The following ADAMTS18 variants were observed in gnomAD, a reference collection of about 807,000 sequenced individuals.
The protein encoded by ADAMTS18 is ADAM metallopeptidase with thrombospondin type 1 motif 18, also known as A disintegrin and metalloproteinase with thrombospondin motifs 18.
A neutral mutation model predicts 165.9 loss-of-function variants in ADAMTS18; 157 were observed. The observed-to-expected ratio is 0.95, with a 90% CI of 0.83 to 1.08. ADAMTS18 has a LOEUF of 1.08. Ranked by LOEUF, ADAMTS18 falls within the 50% of genes least tolerant of loss-of-function variation. The probability of loss-of-function intolerance (pLI) is 0.00; values close to 1 mark genes in which losing one functional copy is unlikely to be tolerated. For synonymous variants in ADAMTS18, 782 were observed against 578.2 expected, an observed-to-expected ratio of 1.35 and a Z score of -5.06; for missense variants, 2,040 against 1,534.0, an observed-to-expected ratio of 1.33 and a Z score of -5.51.
At chr16:77,319,618 T>C (rs1236748390) in intron 16 of ADAMTS18, among the ~76,000 whole-genome samples, 7 of 152,174 alleles carry the variant, frequency 4.6e-5, no homozygotes, top group Non-Finnish European at 8.8e-5. Context: ...AATTTTTGTA[T>C]TTTTAATAGA....
chr16:77,432,389 C>T (rs1263867255), intron 2 of ADAMTS18: 1 of 152,164 alleles, frequency 6.6e-6, no homozygotes, highest in Non-Finnish European at 1.5e-5. Context: ...TCAGGGGACA[C>T]CTGGAAAGGC....
chr16:77,362,319 T>G, intron 6 of ADAMTS18, 55 bp from the exon 7 acceptor site: 1 of 1,587,638 alleles, frequency 6.3e-7, no homozygotes, highest in Non-Finnish European at 8.6e-7. Context: ...ATGAGAATGC[T>G]GAATCATTCC....
chr16:77,365,934 G>T (rs574366704), intron 4 of ADAMTS18, among the ~76,000 whole-genome samples: 1 of 152,262 alleles, frequency 6.6e-6, no homozygotes, highest in Admixed American at 6.5e-5. Context: ...TTGTTGTAAA[G>T]ATTTGCTTTG....
chr16:77,317,174 A>G (rs1054382080), intron 16 of ADAMTS18, among the ~76,000 whole-genome samples: 1 of 151,994 alleles, frequency 6.6e-6, no homozygotes, highest in Admixed American at 6.6e-5. Flanking sequence ...GCCTTCATTT[A>G]TATATTCATT....
At chr16:77,357,600 A>C (rs1281201483) in intron 8 of ADAMTS18, among the ~76,000 whole-genome samples, 1 of 152,196 alleles carries the variant, frequency 6.6e-6, no homozygotes, top group South Asian at 2.1e-4. Context: ...GATTGAAGCC[A>C]TTACGCTAGA....
At chr16:77,345,035 G>C (rs548001786) in intron 10 of ADAMTS18, among the ~76,000 whole-genome samples, 37 of 152,138 alleles carry the variant, frequency 2.4e-4, no homozygotes, top group African/African-American at 7.7e-4. Flanking sequence ...TAACCACAGA[G>C]ACTCCAAGGT....
rs1478945175 is a variant in ADAMTS18, at chr16:77,325,884, G to A, written c.2014C>T (p.Pro672Ser). 5 of 1,613,738 alleles carry A rather than the reference G, an allele frequency of 3.1e-6. No homozygotes were observed. Among genetic ancestry groups the A allele is most frequent in the Non-Finnish European group, 3.4e-6 (4 of 1,179,938 alleles). ...AAATTACCTTCCACTTTTGTATAGG[G>A]TTTCCACTGGTAGAACCATCCACGG... ...PFRGWFYQWK[P>S]YTKVEEEDRC... The change falls in exon 13 of 23, where the codon CCC becomes TCC. Residue 672 changes from proline to serine, a missense_variant. Physicochemically the swap from Pro to Ser is moderately conservative, Grantham distance 74. Transcript: ENST00000282849.
In ADAMTS18 at chr16:77,289,400, G is replaced by A. The variant is rs751696929; in HGVS notation, c.3414C>T (p.Thr1138=). 1 of 1,613,964 alleles carries A rather than the reference G, an allele frequency of 6.2e-7. No homozygotes were observed. The highest frequency in any genetic ancestry group is 2.2e-5 in the East Asian group (1 of 44,884). Residue 1138 remains threonine, a synonymous_variant, in exon 22 of 23, where the codon ACC becomes ACT. Coordinates refer to ENST00000282849, the MANE Select transcript of ADAMTS18 (RefSeq NM_199355.4). ...ACCGGGTCTGGACCCCTCCCCCACA[G>A]GTGACTGTGCACTGCAGCAGAGAGA... The part of the protein sequence containing the change: ...YSLPWQQCTV[T]CGGGVQTRSV...
chr16:77,406,932 T>C (rs1368546628), intron 3 of ADAMTS18, among the ~76,000 whole-genome samples: 2 of 151,840 alleles, frequency 1.3e-5, no homozygotes, highest in African/African-American at 4.8e-5. Context: ...ACACTGGGGA[T>C]TACTAGAAGG....
chr16:77,313,034 G>A (rs529119791), intron 16 of ADAMTS18, among the ~76,000 whole-genome samples: 12 of 152,144 alleles, frequency 7.9e-5, no homozygotes, highest in East Asian at 5.8e-4. Flanking sequence ...GCAAAGACTC[G>A]GAACCAACCC....
intron 22 of ADAMTS18, among the ~76,000 whole-genome samples, chr16:77,284,679 G>C (rs1050719462): frequency 5.9e-5 from 9 of 152,116 alleles, no homozygotes; most frequent in Admixed American, 1.3e-4. Flanking sequence ...ATCAATGTCT[G>C]ATCCTCCCTA....
Position 77,341,790 on chromosome 16 carries a change from T to C in ADAMTS18, c.1624A>G (p.Lys542Glu), listed in dbSNP as rs758196537. 8 of 1,611,686 alleles carry C rather than the reference T, an allele frequency of 5.0e-6. No homozygotes were observed. The East Asian group carries it at 1.8e-4, about 36-fold the overall frequency. The change falls in exon 11 of 23, where the codon AAA becomes GAA. Residue 542 changes from lysine to glutamate, a missense_variant. By Grantham distance (56) the Lys-to-Glu change is moderately conservative. Transcript: ENST00000282849. ...CCTACTCGGTGGCACCAAAGTGATT[T>C]GCAAATATCCTGAAATAAAAAAAAA... ...CSLGFVKDIC[K>E]SLWCHRVGHR... is the part of the protein sequence containing the mutation.
At position 77,291,433 on chromosome 16, in the gene ADAMTS18, A is replaced by G. The variant is rs1268581022; in HGVS notation, c.3235T>C (p.Cys1079Arg). 6.2e-7 allele frequency: 1 copy of G among 1,614,148 alleles called. No individual in the cohort carries two copies. The highest frequency in any genetic ancestry group is 8.5e-7 in the Non-Finnish European group (1 of 1,180,020). The change falls in exon 21 of 23, where the codon TGC (cysteine) becomes CGC (arginine). Residue 1079 changes from cysteine to arginine, a missense_variant. Transcript: ENST00000282849. ...TTTCCCTGGAAGCCCTTCTCGCTGC[A>G]CTTCATCTCCCTCTTCCTCACACCC... ...GLGVRKREMK[C>R]SEKGFQGKLI...
At chr16:77,380,647 G>C (rs1597201101) in intron 3 of ADAMTS18, among the ~76,000 whole-genome samples, 1 of 152,006 alleles carries the variant, frequency 6.6e-6, no homozygotes, top group South Asian at 2.1e-4. Context: ...TAGTTTATAA[G>C]CAGCCATAAC....
In ADAMTS18 at chr16:77,364,263, C is replaced by T. The variant is rs1431175506; in HGVS notation, c.897G>A (p.Val299=). The T allele has an allele frequency of 6.2e-7, 1 of 1,613,946 alleles. No individual in the cohort carries two copies. Among genetic ancestry groups the T allele is most frequent in the East Asian group, 2.2e-5 (1 of 44,862 alleles). ...SQKGLNVETL[V]VADKKMVEKH... Reference sequence around the variant, plus strand: ...TTTCCACCATTTTCTTGTCTGCCACCACGAGGGTTTCCACATTGAGGCCCT... The same window carrying T: ...TTTCCACCATTTTCTTGTCTGCCACTACGAGGGTTTCCACATTGAGGCCCT... The change falls in exon 5 of 23, where the codon GTG becomes GTA. Residue 299 remains valine, a synonymous_variant. Coordinates refer to ENST00000282849, the MANE Select transcript of ADAMTS18 (RefSeq NM_199355.4).
chr16:77,380,874 T>A (rs1448556777), intron 3 of ADAMTS18, among the ~76,000 whole-genome samples: 1 of 152,130 alleles, frequency 6.6e-6, no homozygotes, highest in African/African-American at 2.4e-5. Flanking sequence ...TTTAATTTTA[T>A]ATTTTATTTT....
At chr16:77,422,479 C>T (rs918648167) in intron 3 of ADAMTS18, among the ~76,000 whole-genome samples, 5 of 147,860 alleles carry the variant, frequency 3.4e-5, no homozygotes, top group Non-Finnish European at 7.4e-5. Context: ...CTAGCCAATC[C>T]TAGTACAAGG....
At chr16:77,390,503 G>A (rs111766130) in intron 3 of ADAMTS18, among the ~76,000 whole-genome samples, 3,499 of 151,972 alleles carry the variant, frequency 0.023, 55 homozygotes, top group Non-Finnish European at 0.032. Flanking sequence ...CAGCCTGACC[G>A]AAATGGTGAA....
intron 3 of ADAMTS18, among the ~76,000 whole-genome samples, chr16:77,423,277 G>A (rs920510936): frequency 2.0e-5 from 3 of 152,180 alleles, no homozygotes; most frequent in African/African-American, 2.4e-5. Flanking sequence ...AATATTAACT[G>A]TTATGTTTTT....
Sources: allele counts gnomAD v4.1 joint callset (sites outside exome capture counted in the v4.1 genomes callset), GRCh38; gene constraint gnomAD v4.1.1; transcripts MANE v1.5; gene names NCBI Gene and HGNC (gene_info 2026-07-23, HGNC 2026-07-21).